Variants in KCNIP4 observed in about 807,000 individuals in gnomAD.
KCNIP4 encodes Kv channel-interacting protein 4.
In KCNIP4, 12 loss-of-function variants were observed where a neutral mutation model predicts 34.0. That is an observed-to-expected ratio of 0.35 (90% CI 0.23 to 0.57). The LOEUF (loss-of-function observed/expected upper bound fraction) is 0.57. Among genes scored for constraint, KCNIP4 ranks in the 20% least tolerant of loss-of-function variants. KCNIP4 has a pLI of 0.83. For missense variants in KCNIP4, 238 were observed against 311.7 expected (o/e 0.76, Z 1.78); for synonymous variants, 124 against 102.2 (o/e 1.21, Z -1.29).
At chr4:21,582,049 AATG>A (rs1741262937) in intron 1 of KCNIP4, 1 of 151,380 alleles carries the variant, frequency 6.6e-6, no homozygotes, top group Non-Finnish European at 1.5e-5. Flanking sequence ...AATGGAATGG[AATG>A]GAATGGAATG....
At chr4:21,798,586 G>GAAAGAAAGAA (rs34338129) in intron 1 of KCNIP4, among the ~76,000 whole-genome samples, 20 of 59,008 alleles carry the variant, frequency 3.4e-4, no homozygotes, top group African/African-American at 7.5e-4. Context: ...AAGAAAGAAA[G>GAAAGAAAGAA]AGAAAAAATG....
chr4:21,373,253 T>C lies in KCNIP4; in HGVS notation c.62-490544A>G, dbSNP rs532223479. On this transcript the variant is annotated intron_variant, in intron 1 of 8. Transcript: ENST00000382152. ...CAGGAGAATCACTTGAGCCTGGGAG[T>C]TGAGGGTTGCAGTGAGTTATCATCA... Among the ~76,000 whole-genome samples, 12 of 146,480 alleles carry C rather than the reference T, an allele frequency of 8.2e-5. No individual in the cohort carries two copies. The South Asian group carries it at 2.6e-3, about 31-fold the overall frequency.
At chr4:20,893,507 C>T (rs936001093) in intron 1 of KCNIP4, among the ~76,000 whole-genome samples, 4 of 151,938 alleles carry the variant, frequency 2.6e-5, no homozygotes, top group East Asian at 1.9e-4. Flanking sequence ...ACTGCAGCCT[C>T]GAACTCCTGG....
intron 2 of KCNIP4, among the ~76,000 whole-genome samples, chr4:20,854,221 C>T (rs1169214063): frequency 1.3e-5 from 2 of 152,176 alleles, no homozygotes; most frequent in Non-Finnish European, 2.9e-5. Flanking sequence ...TTCACAATTG[C>T]AAAATCGTGG....
chr4:20,941,839 T>C (rs2149620657), intron 1 of KCNIP4, among the ~76,000 whole-genome samples: 1 of 152,340 alleles, frequency 6.6e-6, no homozygotes, highest in Non-Finnish European at 1.5e-5. Flanking sequence ...TAAATTTTCA[T>C]CCTTCATTTG....
intron 1 of KCNIP4, among the ~76,000 whole-genome samples, chr4:21,817,685 T>C (rs1008911338): frequency 6.6e-6 from 1 of 152,114 alleles, no homozygotes; most frequent in Non-Finnish European, 1.5e-5. Context: ...ATGTCTGTCT[T>C]ATGCAGTTGA....
At chr4:21,141,966 A>G (rs1379763216) in intron 1 of KCNIP4, among the ~76,000 whole-genome samples, 1 of 151,880 alleles carries the variant, frequency 6.6e-6, no homozygotes, top group Non-Finnish European at 1.5e-5. Flanking sequence ...CCTGGCCAAC[A>G]TAGTGAAACC....
intron 3 of KCNIP4, among the ~76,000 whole-genome samples, chr4:20,833,197 A>T (rs1718635414): frequency 6.6e-6 from 1 of 152,254 alleles, no homozygotes; most frequent in African/African-American, 2.4e-5. Flanking sequence ...TGCACATTAG[A>T]CATCAAACTT....
chr4:21,179,582 A>G (rs1427420394), intron 1 of KCNIP4, among the ~76,000 whole-genome samples: 1 of 152,202 alleles, frequency 6.6e-6, no homozygotes, highest in Non-Finnish European at 1.5e-5. Context: ...ATGGGTAAAT[A>G]TGTCAAGCTG....
intron 1 of KCNIP4, among the ~76,000 whole-genome samples, chr4:20,968,580 T>C (rs1232572337): frequency 6.6e-6 from 1 of 152,044 alleles, no homozygotes; most frequent in Non-Finnish European, 1.5e-5. Context: ...ATATACACCA[T>C]GGAATACTAT....
At chr4:21,593,379 G>A (rs538838196) in intron 1 of KCNIP4, among the ~76,000 whole-genome samples, 2 of 152,176 alleles carry the variant, frequency 1.3e-5, no homozygotes, top group South Asian at 2.1e-4. Flanking sequence ...GGGAACCTCC[G>A]AGTGGTTTTG....
At chr4:21,747,833 A>T (rs773515781) in intron 1 of KCNIP4, among the ~76,000 whole-genome samples, 2 of 152,094 alleles carry the variant, frequency 1.3e-5, no homozygotes, top group African/African-American at 2.4e-5. Flanking sequence ...TAAGGTAAAG[A>T]TCAAGGTGAA....
At chr4:21,281,150 G>T (rs1166857853) in intron 1 of KCNIP4, among the ~76,000 whole-genome samples, 2 of 148,072 alleles carry the variant, frequency 1.4e-5, no homozygotes, top group Non-Finnish European at 3.0e-5. Flanking sequence ...GCAGTGGCGC[G>T]ATCTTGGCTC....
chr4:20,734,712 A>G lies in KCNIP4; in HGVS notation c.453T>C (p.Ile151=). 6.3e-7 allele frequency: 1 copy of G among 1,587,984 alleles called. No homozygotes were observed. Among genetic ancestry groups the G allele is most frequent in the Non-Finnish European group, 8.6e-7 (1 of 1,167,082 alleles). Residue 151 remains isoleucine (I), a synonymous_variant, in exon 6 of 9, where the codon ATT becomes ATC. Transcript: ENST00000382152. ...SFEDFIKGLS[I]LLRGTVQEKL... Reference sequence around the variant, plus strand: ...TTTCTTGTACTGTCCCCCGGAGCAAAATGGAAAGACCTTTGATGAAATCCT... The same window carrying G: ...TTTCTTGTACTGTCCCCCGGAGCAAGATGGAAAGACCTTTGATGAAATCCT...
chr4:21,688,351 T>C (rs1388917387), intron 1 of KCNIP4, among the ~76,000 whole-genome samples: 2 of 152,166 alleles, frequency 1.3e-5, no homozygotes, highest in Non-Finnish European at 2.9e-5. Flanking sequence ...TCTGCAAATA[T>C]TCCACAATCC....
chr4:21,036,461 A>T (rs1741451860), intron 1 of KCNIP4, among the ~76,000 whole-genome samples: 1 of 152,240 alleles, frequency 6.6e-6, no homozygotes, highest in African/African-American at 2.4e-5. Flanking sequence ...TACACAAAAG[A>T]CATCATTTGA....
chr4:21,705,048 C>T lies in KCNIP4; in HGVS notation c.61+243523G>A, dbSNP rs542581656. On this transcript the variant is annotated intron_variant, in intron 1 of 8. Coordinates refer to ENST00000382152, the MANE Select transcript of KCNIP4 (RefSeq NM_025221.6). ...CTACACAGCAATAAAAAGGAATGAA[C>T]TAGTGATAGACACAATTTAGATGGC... 6.6e-4 allele frequency among the ~76,000 whole-genome samples: 101 copies of T among 152,158 alleles called. 1 individual carries two copies. The highest frequency in any genetic ancestry group is 2.4e-3 in the African/African-American group (100 of 41,538).
intron 3 of KCNIP4, among the ~76,000 whole-genome samples, chr4:20,812,116 T>A (rs984804707): frequency 2.0e-5 from 3 of 152,216 alleles, no homozygotes; most frequent in Admixed American, 6.6e-5. Context: ...CATGTTTGCG[T>A]AAAGAAAGAC....
At chr4:20,896,870 A>G (rs556756339) in intron 1 of KCNIP4, among the ~76,000 whole-genome samples, 1 of 152,272 alleles carries the variant, frequency 6.6e-6, no homozygotes, top group East Asian at 1.9e-4. Flanking sequence ...ATGTCTGCAC[A>G]CACAGAATCG....
Sources: allele counts gnomAD v4.1 joint callset (sites outside exome capture counted in the v4.1 genomes callset), GRCh38; gene constraint gnomAD v4.1.1; transcripts MANE v1.5; gene names NCBI Gene and HGNC (gene_info 2026-07-23, HGNC 2026-07-21).